The following PIP5K1B variants were observed in gnomAD, a reference collection of about 807,000 sequenced individuals.
The protein encoded by PIP5K1B is phosphatidylinositol-4-phosphate 5-kinase type 1 beta.
A neutral mutation model predicts 67.0 loss-of-function variants in PIP5K1B; 42 were observed. That is an observed-to-expected ratio of 0.63 (90% CI 0.49 to 0.81). The LOEUF (loss-of-function observed/expected upper bound fraction) is 0.81. PIP5K1B is among the 30% of genes least tolerant of loss of function. The pLI, the probability that PIP5K1B is intolerant of heterozygous loss-of-function variation, is 0.00. For missense variants in PIP5K1B, 459 were observed against 646.3 expected (o/e 0.71, Z 3.14); for synonymous variants, 214 against 231.4 (o/e 0.92, Z 0.68).
intron 14 of PIP5K1B, chr9:68,963,367 G>A (rs527552686): frequency 2.7e-6 from 1 of 369,466 alleles, no homozygotes; most frequent in Non-Finnish European, 5.4e-6. Flanking sequence ...GCTGGGCGTG[G>A]TGGTGCATGC....
At chr9:68,825,687 A>G (rs1475240874) in intron 4 of PIP5K1B, among the ~76,000 whole-genome samples, 13 of 152,226 alleles carry the variant, frequency 8.5e-5, no homozygotes, top group African/African-American at 2.9e-4. Context: ...CCTTTATGCT[A>G]GGAGTGAGAA....
At chr9:68,963,571 G>A (rs1316656657) in intron 14 of PIP5K1B, among the ~76,000 whole-genome samples, 4 of 152,046 alleles carry the variant, frequency 2.6e-5, no homozygotes, top group Non-Finnish European at 5.9e-5. Context: ...AGTTGCATAG[G>A]TCACATGACC....
At chr9:68,711,503 G>T (rs893535938) in intron 1 of PIP5K1B, among the ~76,000 whole-genome samples, 1 of 152,222 alleles carries the variant, frequency 6.6e-6, no homozygotes, top group Non-Finnish European at 1.5e-5. Context: ...CTGGCAGGTG[G>T]TGAGGATTTA....
intron 14 of PIP5K1B, among the ~76,000 whole-genome samples, chr9:68,981,228 G>A (rs912743076): frequency 6.6e-6 from 1 of 152,176 alleles, no homozygotes; most frequent in Non-Finnish European, 1.5e-5. Context: ...GATACGGTGT[G>A]TGGTTGATGG....
intron 2 of PIP5K1B, among the ~76,000 whole-genome samples, chr9:68,749,584 C>T (rs1254212032): frequency 3.9e-5 from 6 of 152,206 alleles, no homozygotes; most frequent in Non-Finnish European, 2.9e-5. Context: ...ACATGACCAC[C>T]TGTAACCACA....
chr9:68,790,909 C>T (rs1831929706), intron 2 of PIP5K1B, among the ~76,000 whole-genome samples: 1 of 152,134 alleles, frequency 6.6e-6, no homozygotes, highest in Admixed American at 6.5e-5. Flanking sequence ...TTCTGTTTCT[C>T]CTTTTTGAAT....
chr9:68,793,347 G>A (rs1273220486), intron 2 of PIP5K1B, among the ~76,000 whole-genome samples: 3 of 152,196 alleles, frequency 2.0e-5, no homozygotes, highest in African/African-American at 7.2e-5. Flanking sequence ...GAACACTCCT[G>A]CTGTGTTGAG....
At chr9:68,969,332 C>A (rs1829224424) in intron 14 of PIP5K1B, among the ~76,000 whole-genome samples, 1 of 142,540 alleles carries the variant, frequency 7.0e-6, no homozygotes, top group South Asian at 2.3e-4. Context: ...CACGCCACTG[C>A]ACTCCAGCCT....
chr9:68,805,136 A>G (rs1327604600), intron 2 of PIP5K1B, among the ~76,000 whole-genome samples: 1 of 152,214 alleles, frequency 6.6e-6, no homozygotes, highest in Non-Finnish European at 1.5e-5. Flanking sequence ...CTGTTGGTGC[A>G]GGCAAGAGGC....
At chr9:68,822,738 G>A (rs914191853) in intron 4 of PIP5K1B, 55 bp downstream of exon 4, 4 of 1,226,384 alleles carry the variant, frequency 3.3e-6, no homozygotes, top group Non-Finnish European at 4.8e-6. Flanking sequence ...TTTGGCACGT[G>A]AATATTATCA....
chr9:68,959,714 T>C (rs1470170490), intron 14 of PIP5K1B, among the ~76,000 whole-genome samples: 1 of 152,246 alleles, frequency 6.6e-6, no homozygotes, highest in African/African-American at 2.4e-5. Context: ...TGCCCTGTTG[T>C]AAAGTTTCAT....
chr9:68,963,079 A>G (rs991969725), intron 14 of PIP5K1B: 9 of 442,730 alleles, frequency 2.0e-5, no homozygotes, highest in Non-Finnish European at 3.6e-5. Flanking sequence ...ATTATTACTC[A>G]TAATAACTTG....
In PIP5K1B at chr9:68,920,566, C is replaced by A. The variant is rs564366578; in HGVS notation, c.1116+837C>A. On this transcript the variant is annotated intron_variant, in intron 11 of 15. Transcript: ENST00000265382. Reference sequence around the variant, plus strand: ...TACTTTTAGTAGAGACAGGATTTCGCCATGTTGGCCAGGCTGGTCTCGAAC... The same window carrying A: ...TACTTTTAGTAGAGACAGGATTTCGACATGTTGGCCAGGCTGGTCTCGAAC... 5.3e-5 allele frequency among the ~76,000 whole-genome samples: 8 copies of A among 151,906 alleles called. No homozygotes were observed. In the East Asian group the frequency reaches 1.5e-3, roughly 29 times the overall value.
intron 2 of PIP5K1B, chr9:68,780,857 G>A: frequency 6.2e-7 from 1 of 1,614,262 alleles, no homozygotes; most frequent in Non-Finnish European, 8.5e-7. Context: ...ACGTTGCACA[G>A]CTGTCAGATC....
chr9:68,931,218 C>G (rs983037149), intron 12 of PIP5K1B, among the ~76,000 whole-genome samples: 3 of 152,134 alleles, frequency 2.0e-5, no homozygotes, highest in African/African-American at 7.2e-5. Flanking sequence ...CTGAAATTCT[C>G]CATACGAATA....
chr9:68,948,430 AG>A (rs1827902694), intron 14 of PIP5K1B, among the ~76,000 whole-genome samples: 1 of 152,162 alleles, frequency 6.6e-6, no homozygotes, highest in African/African-American at 2.4e-5. Context: ...CAGGAGTTCG[AG>A]ACCAACCTGG....
At chr9:68,982,669 G>A (rs1416957537) in intron 14 of PIP5K1B, among the ~76,000 whole-genome samples, 5 of 151,958 alleles carry the variant, frequency 3.3e-5, no homozygotes, top group Non-Finnish European at 7.4e-5. Context: ...GGCTGAAGCA[G>A]GAGAATCGCT....
At chr9:68,871,551 A>G (rs986711662) in intron 5 of PIP5K1B, among the ~76,000 whole-genome samples, 5 of 152,256 alleles carry the variant, frequency 3.3e-5, no homozygotes, top group African/African-American at 1.2e-4. Flanking sequence ...AACTTGCCTC[A>G]GAAGAGGTGA....
intron 15 of PIP5K1B, among the ~76,000 whole-genome samples, chr9:69,002,873 C>G (rs1024892033): frequency 1.3e-5 from 2 of 152,142 alleles, no homozygotes; most frequent in Non-Finnish European, 2.9e-5. Context: ...ATCCCAGCTA[C>G]TTAGGAGGCT....
Sources: gnomAD v4.1 joint callset for allele counts (sites outside exome capture counted in the v4.1 genomes callset) on GRCh38, gnomAD v4.1.1 for gene constraint, MANE v1.5 for transcripts, NCBI Gene and HGNC (gene_info 2026-07-23, HGNC 2026-07-21) for gene names.